Variants in ZNF236 observed in about 807,000 individuals in gnomAD.
ZNF236 encodes the protein zinc finger protein 236.
ZNF236 carries 50 observed loss-of-function variants against 191.2 expected under a neutral mutation model. That is an observed-to-expected ratio of 0.26 (90% CI 0.21 to 0.33). ZNF236 has a LOEUF of 0.33. Among genes scored for constraint, ZNF236 ranks in the 10% least tolerant of loss-of-function variants. The pLI is 1.00. For synonymous variants in ZNF236, 907 were observed against 928.8 expected (o/e 0.98, Z 0.43); for missense variants, 1,754 against 2,374.5 (o/e 0.74, Z 5.43).
At chr18:76,826,573 T>C (rs549291176) in intron 1 of ZNF236, among the ~76,000 whole-genome samples, 1 of 150,682 alleles carries the variant, frequency 6.6e-6, no homozygotes, top group African/African-American at 2.4e-5. Context: ...GGCAGATCAC[T>C]TGAGGCCAGG....
In ZNF236 at chr18:76,919,926, T is replaced by C; in HGVS notation, c.3425T>C (p.Val1142Ala). The change falls in exon 20 of 31, where the codon GTG becomes GCG. Residue 1142 changes from valine to alanine, a missense_variant. Around this residue, in one of 5 missense-constraint regions of ZNF236, gnomAD observed 641 missense variants for 869.6 expected, o/e 0.74. Coordinates refer to ENST00000320610, the MANE Select transcript of ZNF236 (RefSeq NM_001306089.2). This position sits in a 1 kb window ranked among gnomAD's most constrained non-coding sequence, Gnocchi z 5.3. ...GCCACGGTGTCAGAGAAGGTCCTGG[T>C]GCAGTCCGCGGCAGAAAAGGACCGC... Reference protein sequence around the residue: ...ESATVSEKVLVQSAAEKDRIS... With the variant: ...ESATVSEKVLAQSAAEKDRIS... 1.2e-6 allele frequency: 2 copies of C among 1,614,196 alleles called. No homozygotes were observed. Among genetic ancestry groups the C allele is most frequent in the Non-Finnish European group, 8.5e-7 (1 of 1,180,036 alleles).
In ZNF236 at chr18:76,927,875, G is replaced by GA; in HGVS notation, c.4415-49dup. ...AAATATTTTTAATATAAAAACAGGG[G>GA]AAATTGGTTATTTTGAATCTCAACT... On this transcript the variant is annotated intron_variant, in intron 24 of 30. Coordinates refer to ENST00000320610, the MANE Select transcript of ZNF236 (RefSeq NM_001306089.2). This position sits in a 1 kb window ranked among gnomAD's most constrained non-coding sequence, Gnocchi z 5.4. The GA allele has an allele frequency of 7.5e-7, 1 of 1,332,370 alleles. No individual in the cohort carries two copies. Among genetic ancestry groups the GA allele is most frequent in the Non-Finnish European group, 1.0e-6 (1 of 980,048 alleles). 82.5% of individuals were successfully genotyped at this position (1,332,370 alleles called of 1,614,324 possible).
intron 28 of ZNF236, among the ~76,000 whole-genome samples, chr18:76,958,598 T>C (rs984290938): frequency 2.0e-5 from 3 of 152,176 alleles, no homozygotes; most frequent in Non-Finnish European, 4.4e-5. Flanking sequence ...TAGCACTCAG[T>C]GTGACCGCAG....
rs959962276 is a variant in ZNF236, at chr18:76,971,275, T to C, written c.*2936T>C. Among the ~76,000 whole-genome samples, 1 of 152,230 alleles carries C rather than the reference T, an allele frequency of 6.6e-6. No individual in the cohort carries two copies. The highest frequency in any genetic ancestry group is 2.4e-5 in the African/African-American group (1 of 41,466). On this transcript the variant is annotated 3_prime_UTR_variant, in exon 31 of 31. Coordinates refer to ENST00000320610, the MANE Select transcript of ZNF236 (RefSeq NM_001306089.2). The stretch of plus-strand genomic sequence containing the variant: ...TTTTCAAACATGCAGATTGAAATGC[T>C]ACCCCACCCCCATCAAGCTCTACTT...
In ZNF236 at chr18:76,880,139, T is replaced by C; in HGVS notation, c.1011T>C (p.Leu337=). The part of the protein sequence containing the change: ...LTATLFQTLP[L]QQTEAQATSA... ...CCACACTTTTTCAGACGTTACCTCT[T>C]CAACAGACGGAAGCCCAAGCCACGT... The change falls in exon 8 of 31, where the codon CTT becomes CTC. Residue 337 remains leucine, a synonymous_variant. Coordinates refer to ENST00000320610, the MANE Select transcript of ZNF236 (RefSeq NM_001306089.2). This position sits in a 1 kb window ranked among gnomAD's most constrained non-coding sequence, Gnocchi z 5.0. 1 of 1,614,030 alleles carries C rather than the reference T, an allele frequency of 6.2e-7. No homozygotes were observed. Among genetic ancestry groups the C allele is most frequent in the Non-Finnish European group, 8.5e-7 (1 of 1,179,934 alleles).
intron 16 of ZNF236, 23 bp downstream of exon 16, chr18:76,910,834 A>C (rs1368305397): frequency 6.2e-7 from 1 of 1,612,266 alleles, no homozygotes; most frequent in East Asian, 2.2e-5. Flanking sequence ...AGAGGGGTGC[A>C]TACATGGCAG....
At chr18:76,854,688 A>G (rs1161877951) in intron 3 of ZNF236, among the ~76,000 whole-genome samples, 1 of 152,114 alleles carries the variant, frequency 6.6e-6, no homozygotes, top group Non-Finnish European at 1.5e-5. Flanking sequence ...TATTGTAAGT[A>G]ATATATCTTT....
intron 19 of ZNF236, among the ~76,000 whole-genome samples, chr18:76,916,785 G>A (rs979554570): frequency 6.6e-6 from 1 of 152,180 alleles, no homozygotes; most frequent in Admixed American, 6.5e-5. Context: ...TCCTGTCCTG[G>A]CACAGTTGGT....
rs778910367 is a variant in ZNF236 at position 76,947,558 on chromosome 18, T to C, written c.4820T>C (p.Leu1607Pro). Residue 1607 changes from leucine (L) to proline (P), a missense_variant, in exon 27 of 31, where the codon CTC (leucine) becomes CCC (proline). This residue lies in a region of ZNF236 where 606 missense variants were observed against 761.5 expected (regional missense o/e 0.80). Transcript: ENST00000320610. ...CCAGCGCTCCTCACGGATCCCTCTC[T>C]CTCGGGCCAGGGTGGAGCAGGCTCG... ...QFPALLTDPS[L>P]SGQGGAGSPQ... The C allele has an allele frequency of 6.2e-7, 1 of 1,614,058 alleles. No homozygotes were observed. Among genetic ancestry groups the C allele is most frequent in the South Asian group, 1.1e-5 (1 of 91,074 alleles).
intron 3 of ZNF236, among the ~76,000 whole-genome samples, chr18:76,863,591 CT>C (rs200474453): frequency 3.8e-3 from 542 of 144,154 alleles, no homozygotes; most frequent in East Asian, 5.8e-3. Flanking sequence ...TATTCTTCTT[CT>C]TTTTTTTTTT....
chr18:76,861,409 A>T (rs2122562787), intron 3 of ZNF236, among the ~76,000 whole-genome samples: 1 of 152,280 alleles, frequency 6.6e-6, no homozygotes, highest in East Asian at 1.9e-4. Context: ...GCTCACATTC[A>T]GTTGGGTAGA....
At position 76,851,925 on chromosome 18, in the gene ZNF236, C is replaced by T; in HGVS notation, c.349C>T (p.His117Tyr). 6.2e-7 allele frequency: 1 copy of T among 1,609,172 alleles called. No individual in the cohort carries two copies. The highest frequency in any genetic ancestry group is 8.5e-7 in the Non-Finnish European group (1 of 1,178,202). ...VASLKAHIML[H>Y]EKEENLICSE... ...TAGTCTCAAAGCGCATATTATGCTACATGAAAAGGAAGAGGTAATCATCAT... is the reference window on the plus strand; with the variant it reads ...TAGTCTCAAAGCGCATATTATGCTATATGAAAAGGAAGAGGTAATCATCAT... The change falls in exon 3 of 31, where the codon CAT becomes TAT. Residue 117 changes from histidine to tyrosine, a missense_variant. This residue lies in a region of ZNF236 where 336 missense variants were observed against 495.1 expected (regional missense o/e 0.68). Transcript: ENST00000320610.
chr18:76,968,502 GA>G lies in ZNF236; in HGVS notation c.*172del, dbSNP rs200058947. 91 of 1,307,442 alleles carry G rather than the reference GA, an allele frequency of 7.0e-5. No individual in the cohort carries two copies. The highest frequency in any genetic ancestry group is 3.2e-4 in the South Asian group (18 of 55,984). The allele number at this position is 1,307,442 out of a possible 1,614,324, so 81.0% of individuals were successfully genotyped here. ...ATCATTGTCTTTCAGAGACTCATAG[GA>G]AAAAAAAACTAGGAAAAGTGTCACC... On this transcript the variant is annotated 3_prime_UTR_variant, in exon 31 of 31. Coordinates refer to ENST00000320610, the MANE Select transcript of ZNF236 (RefSeq NM_001306089.2).
chr18:76,952,996 C>T (rs978738696), intron 27 of ZNF236, among the ~76,000 whole-genome samples: 2 of 152,270 alleles, frequency 1.3e-5, no homozygotes, highest in South Asian at 2.1e-4. Context: ...GGGCTCACTT[C>T]GCTCTCTGGT....
chr18:76,937,003 T>G (rs924283337), intron 25 of ZNF236, among the ~76,000 whole-genome samples, 153 bp from the exon 26 acceptor site: 6 of 152,344 alleles, frequency 3.9e-5, no homozygotes, highest in Admixed American at 3.9e-4. Flanking sequence ...ATCCTAAAAT[T>G]AGAATTGAAG....
intron 11 of ZNF236, among the ~76,000 whole-genome samples, chr18:76,902,880 T>C (rs1599379538): frequency 2.6e-5 from 4 of 152,238 alleles, no homozygotes; most frequent in Admixed American, 2.6e-4. Context: ...CCTGAGCCAC[T>C]GTGCCCAGCC....
intron 27 of ZNF236, among the ~76,000 whole-genome samples, chr18:76,955,113 A>G (rs1599424520): frequency 6.6e-6 from 1 of 152,344 alleles, no homozygotes; most frequent in East Asian, 1.9e-4. Flanking sequence ...TCTGTTGTTT[A>G]TAAAAGCTGA....
intron 26 of ZNF236, among the ~76,000 whole-genome samples, chr18:76,943,585 A>T (rs2122902782): frequency 6.6e-6 from 1 of 152,356 alleles, no homozygotes; most frequent in South Asian, 2.1e-4. Flanking sequence ...CAGGTGCAAA[A>T]CATTTAAAAC....
chr18:76,837,121 A>ACCCCCCCCCCCCCCCCCCCC (rs1257822007), intron 1 of ZNF236, among the ~76,000 whole-genome samples: 25 of 32,766 alleles, frequency 7.6e-4, no homozygotes, highest in Middle Eastern at 0.017. Context: ...AGTGATCCGC[A>ACCCCCCCCCCCCCCCCCCCC]CCCCCTCCCC....
Sources: allele counts gnomAD v4.1 joint callset (sites outside exome capture counted in the v4.1 genomes callset), GRCh38; gene constraint gnomAD v4.1.1; regional missense constraint gnomAD v4.1.1; non-coding constraint Gnocchi (gnomAD v3.1); transcripts MANE v1.5; gene names NCBI Gene and HGNC (gene_info 2026-07-23, HGNC 2026-07-21).